Variants in RUNX1 observed in about 807,000 individuals in gnomAD.
RUNX1 encodes runt-related transcription factor 1.
RUNX1 carries 19 observed loss-of-function variants against 42.8 expected under a neutral mutation model. The ratio of observed to expected loss-of-function variants is 0.44; its 90% CI spans 0.31 to 0.65. The LOEUF is 0.65. Among genes scored for constraint, RUNX1 ranks in the 30% least tolerant of loss-of-function variants. RUNX1 has a pLI of 0.07. For synonymous variants in RUNX1, 271 were observed against 289.4 expected, an observed-to-expected ratio of 0.94 and a Z score of 0.64; for missense variants, 528 against 672.0, an observed-to-expected ratio of 0.79 and a Z score of 2.37.
chr21:34,930,691 CCA>C (rs1276335401), intron 2 of RUNX1, among the ~76,000 whole-genome samples: 4 of 134,964 alleles, frequency 3.0e-5, no homozygotes, highest in African/African-American at 1.1e-4. Flanking sequence ...GGCTACACTG[CCA>C]CACACACACA....
intron 2 of RUNX1, among the ~76,000 whole-genome samples, chr21:34,994,223 A>AT (rs1346497567): frequency 6.6e-6 from 1 of 151,902 alleles, no homozygotes; most frequent in Non-Finnish European, 1.5e-5. Context: ...CTATTCATAT[A>AT]TTTTTTAAGA....
In RUNX1 at chr21:34,901,192, G is replaced by T. The variant is rs1179891306; in HGVS notation, c.59-8229C>A. On this transcript the variant is annotated intron_variant, in intron 2 of 8. Transcript: ENST00000675419. This position sits in a 1 kb window ranked among gnomAD's most constrained non-coding sequence, Gnocchi z 4.3. ...TAAGGGGCTGCTGGGAACCCCTGAA[G>T]GTCCAAGTGTCTCTTTTGTGCAAAG... is the stretch of plus-strand genomic sequence containing the variant. Among the ~76,000 whole-genome samples the T allele has an allele frequency of 6.6e-6, 1 of 151,964 alleles. No individual in the cohort carries two copies. Among genetic ancestry groups the T allele is most frequent in the Non-Finnish European group, 1.5e-5 (1 of 67,994 alleles).
intron 2 of RUNX1, 58 bp downstream of exon 2, chr21:35,048,784 A>G: frequency 6.9e-7 from 1 of 1,452,432 alleles, no homozygotes; most frequent in Non-Finnish European, 9.7e-7. Flanking sequence ...ACAAGCTGCC[A>G]TTTCATTACA....
chr21:34,804,660 A>G (rs1037642949), intron 7 of RUNX1, among the ~76,000 whole-genome samples: 8 of 152,116 alleles, frequency 5.3e-5, no homozygotes, highest in African/African-American at 1.9e-4. Context: ...GAATTTAACA[A>G]TGATTAACAT....
intron 6 of RUNX1, among the ~76,000 whole-genome samples, chr21:34,855,637 G>C (rs1055350514): frequency 1.3e-5 from 2 of 152,064 alleles, no homozygotes; most frequent in Non-Finnish European, 2.9e-5. Context: ...CCTGGGAGTG[G>C]GGCAGAGGTT....
At chr21:35,018,470 A>G (rs1450688205) in intron 2 of RUNX1, among the ~76,000 whole-genome samples, 2 of 152,148 alleles carry the variant, frequency 1.3e-5, no homozygotes, top group Non-Finnish European at 1.5e-5. Flanking sequence ...GAGAAAATAA[A>G]TTTCTGTTGC....
intron 7 of RUNX1, among the ~76,000 whole-genome samples, chr21:34,817,412 G>C (rs971613731): frequency 6.6e-6 from 1 of 152,186 alleles, no homozygotes; most frequent in Non-Finnish European, 1.5e-5. Context: ...GAAATAAACA[G>C]CATATGGATT....
chr21:34,987,284 C>T (rs1601639123), intron 2 of RUNX1, among the ~76,000 whole-genome samples: 1 of 152,138 alleles, frequency 6.6e-6, no homozygotes, highest in African/African-American at 2.4e-5. Context: ...AGTGACTTAG[C>T]AAGAACAGGA....
At chr21:34,970,890 GA>G (rs943954186) in intron 2 of RUNX1, among the ~76,000 whole-genome samples, 5 of 149,998 alleles carry the variant, frequency 3.3e-5, no homozygotes, top group Admixed American at 6.6e-5. Context: ...AAAATTAAAA[GA>G]AAAAAAAAGG....
At chr21:34,993,360 GTTCT>G (rs1389253102) in intron 2 of RUNX1, among the ~76,000 whole-genome samples, 1 of 152,114 alleles carries the variant, frequency 6.6e-6, no homozygotes, top group African/African-American at 2.4e-5. Context: ...GAAAAAAGCA[GTTCT>G]AGGGGCAAAC....
At chr21:35,046,935 C>T (rs2059400001) in intron 2 of RUNX1, among the ~76,000 whole-genome samples, 1 of 152,154 alleles carries the variant, frequency 6.6e-6, no homozygotes. Context: ...TTGTTCCTAA[C>T]CTAGCGCAGG....
chr21:34,941,830 CTT>C (rs201225102), intron 2 of RUNX1, among the ~76,000 whole-genome samples: 24 of 138,480 alleles, frequency 1.7e-4, no homozygotes, highest in African/African-American at 2.1e-4. Context: ...TATTTTTTTC[CTT>C]TTTTTTTTTT....
chr21:34,880,290 T>A (rs2057875999), intron 5 of RUNX1, among the ~76,000 whole-genome samples: 1 of 152,232 alleles, frequency 6.6e-6, no homozygotes, highest in Admixed American at 6.5e-5. Flanking sequence ...TTAGTAAAAA[T>A]CTCAGGCGTT....
At chr21:34,922,761 C>T (rs1046263545) in intron 2 of RUNX1, among the ~76,000 whole-genome samples, 1 of 152,216 alleles carries the variant, frequency 6.6e-6, no homozygotes, top group African/African-American at 2.4e-5. Context: ...GCACCAGTGA[C>T]ACCTGGAGAG....
intron 2 of RUNX1, among the ~76,000 whole-genome samples, chr21:34,936,558 T>C (rs1169201256): frequency 6.6e-6 from 1 of 152,186 alleles, no homozygotes; most frequent in East Asian, 1.9e-4. Flanking sequence ...ACTGTGTAAA[T>C]GTACGAGGCT....
At chr21:34,942,319 A>C (rs1329830061) in intron 2 of RUNX1, among the ~76,000 whole-genome samples, 1 of 136,048 alleles carries the variant, frequency 7.4e-6, no homozygotes, top group Non-Finnish European at 1.5e-5. Flanking sequence ...CACTCAAGCA[A>C]AAAAAAAAAA....
intron 2 of RUNX1, among the ~76,000 whole-genome samples, chr21:34,990,443 T>C (rs1296394529): frequency 1.3e-5 from 2 of 152,108 alleles, no homozygotes; most frequent in African/African-American, 2.4e-5. Context: ...GAAACAGTGA[T>C]GGATCTTTGC....
intron 5 of RUNX1, among the ~76,000 whole-genome samples, chr21:34,871,895 G>A (rs2057743452): frequency 6.6e-6 from 1 of 151,410 alleles, no homozygotes; most frequent in Admixed American, 6.6e-5. Flanking sequence ...CCAGGCTGGA[G>A]CGCAGTGGCA....
chr21:34,830,924 C>T lies in RUNX1; in HGVS notation c.805+3486G>A, dbSNP rs527821101. Among the ~76,000 whole-genome samples, 8 of 152,290 alleles carry T rather than the reference C, an allele frequency of 5.3e-5. No individual in the cohort carries two copies. The East Asian group carries it at 1.3e-3, about 26-fold the overall frequency. On this transcript the variant is annotated intron_variant, in intron 7 of 8. Transcript: ENST00000675419. ...CAGTTTTCTGTACCAGCATCTATTA[C>T]TCCATCCTCATATTCCCAGAAAGGA...
Sources: gnomAD v4.1 joint callset for allele counts (sites outside exome capture counted in the v4.1 genomes callset) on GRCh38, gnomAD v4.1.1 for gene constraint, Gnocchi (gnomAD v3.1) non-coding constraint, MANE v1.5 for transcripts, NCBI Gene and HGNC (gene_info 2026-07-23, HGNC 2026-07-21) for gene names.